The following AGPAT1 variants were observed in gnomAD, a reference collection of about 807,000 sequenced individuals.
AGPAT1 encodes 1-acylglycerol-3-phosphate O-acyltransferase 1.
Under a neutral mutation model 31.2 loss-of-function variants are expected in AGPAT1, and 6 were observed. The observed-to-expected ratio is 0.19, with a 90% CI of 0.11 to 0.38. The LOEUF is 0.38. AGPAT1 is among the 10% of genes least tolerant of loss of function. The pLI is 1.00. For missense variants in AGPAT1, 187 were observed against 377.8 expected, an observed-to-expected ratio of 0.49 and a Z score of 4.19; for synonymous variants, 139 against 154.0, an observed-to-expected ratio of 0.90 and a Z score of 0.72.
chr6:32,174,106 G>A lies in AGPAT1; in HGVS notation c.-10+1708C>T, dbSNP rs408359. Among the ~76,000 whole-genome samples, 18,948 of 152,132 alleles carry A rather than the reference G, an allele frequency of 0.12. 1,599 individuals are homozygous for A. Among genetic ancestry groups the A allele is most frequent in the South Asian group, 0.27 (1,279 of 4,820 alleles). On this transcript the variant is annotated intron_variant, in intron 1 of 6. Transcript: ENST00000375107. This position sits in a 1 kb window ranked among gnomAD's most constrained non-coding sequence, Gnocchi z 4.5. ...GACAACACACTATGTGTTGACTGGCGTTTTTGTTTCCCTCCTTAGGCTGTA... is the reference window on the plus strand; with the variant it reads ...GACAACACACTATGTGTTGACTGGCATTTTTGTTTCCCTCCTTAGGCTGTA...
At position 32,170,180 on chromosome 6, in the gene AGPAT1, A is replaced by G. The variant is rs1380589941; in HGVS notation, c.591T>C (p.Leu197=). 1 of 1,614,188 alleles carries G rather than the reference A, an allele frequency of 6.2e-7. No homozygotes were observed. The highest frequency in any genetic ancestry group is 8.5e-7 in the Non-Finnish European group (1 of 1,180,020). Reference sequence around the variant, plus strand: ...CAGTAGTCACCTGGGCCTGCACTGCAAGATGGAAGGCGCCACGTTTGAAGG... The same window carrying G: ...CAGTAGTCACCTGGGCCTGCACTGCGAGATGGAAGGCGCCACGTTTGAAGG... ...MLPFKRGAFH[L]AVQAQVPIVP... is the part of the protein sequence containing the mutation. Residue 197 remains leucine (L), a synonymous_variant, in exon 5 of 7, where the codon CTT becomes CTC. Coordinates refer to ENST00000375107, the MANE Select transcript of AGPAT1 (RefSeq NM_006411.4). The surrounding 1 kb of genome is among the most constrained non-coding windows in gnomAD (Gnocchi z 7.7).
rs919852139 is a variant in AGPAT1 at position 32,172,389 on chromosome 6, C to G, written c.-9-884G>C. ...ATATATTACTAAAATTAATTTCACTCTTTTTGCCTTGTAAAAATGTGGCTA... is the reference window on the plus strand; with the variant it reads ...ATATATTACTAAAATTAATTTCACTGTTTTTGCCTTGTAAAAATGTGGCTA... On this transcript the variant is annotated intron_variant, in intron 1 of 6. Transcript: ENST00000375107. The surrounding 1 kb of genome is among the most constrained non-coding windows in gnomAD (Gnocchi z 4.3). Among the ~76,000 whole-genome samples the G allele has an allele frequency of 6.6e-6, 1 of 151,944 alleles. No homozygotes were observed. Among genetic ancestry groups the G allele is most frequent in the African/African-American group, 2.4e-5 (1 of 41,362 alleles).
At chr6:32,176,414 A>G (rs143091746), upstream of AGPAT1, 2 of 855,272 alleles carry the variant, frequency 2.3e-6, no homozygotes, top group East Asian at 1.2e-4. Flanking sequence ...TTTTTTCTCA[A>G]CTCCGGTTAT....
At chr6:32,176,390 T>G, upstream of AGPAT1, 2 of 684,656 alleles carry the variant, frequency 2.9e-6, no homozygotes, top group South Asian at 6.6e-5. Flanking sequence ...AACTGCCACT[T>G]TTACTTGGTC....
At position 32,170,874 on chromosome 6, in the gene AGPAT1, C is replaced by T; in HGVS notation, c.334+63G>A. On this transcript the variant is annotated intron_variant, in intron 3 of 6. Coordinates refer to ENST00000375107, the MANE Select transcript of AGPAT1 (RefSeq NM_006411.4). The surrounding 1 kb of genome is among the most constrained non-coding windows in gnomAD (Gnocchi z 7.7). ...TTGAGGATCTCTAGGAGAAGATATTCTAGGGAAGGTTTCAGGAGGGGAGGC... is the reference window on the plus strand; with the variant it reads ...TTGAGGATCTCTAGGAGAAGATATTTTAGGGAAGGTTTCAGGAGGGGAGGC... The T allele has an allele frequency of 6.4e-7, 1 of 1,565,408 alleles. No individual in the cohort carries two copies. Among genetic ancestry groups the T allele is most frequent in the Non-Finnish European group, 8.7e-7 (1 of 1,148,578 alleles).
In AGPAT1 at chr6:32,170,891, AG is replaced by A. The variant is rs760190027; in HGVS notation, c.334+45del. 43 of 1,586,824 alleles carry A rather than the reference AG, an allele frequency of 2.7e-5. No homozygotes were observed. In the East Asian group the frequency reaches 9.0e-4, roughly 33 times the overall value. On this transcript the variant is annotated intron_variant, in intron 3 of 6. Transcript: ENST00000375107. The surrounding 1 kb of genome is among the most constrained non-coding windows in gnomAD (Gnocchi z 7.7). The stretch of plus-strand genomic sequence containing the variant: ...AAGATATTCTAGGGAAGGTTTCAGG[AG>A]GGGAGGCATGGCTGGGGGAGGTGTG...
rs184093218 is a variant in AGPAT1 at position 32,169,069 on chromosome 6, C to A, written c.*207G>T. ...TGGGGGTCAAGAGTGGAGACTGCAC[C>A]GAGGCAAGAGTCCATGGATGGGGCC... is the stretch of plus-strand genomic sequence containing the variant. On this transcript the variant is annotated 3_prime_UTR_variant, in exon 7 of 7. Transcript: ENST00000375107. The surrounding 1 kb of genome is among the most constrained non-coding windows in gnomAD (Gnocchi z 5.9). 4 of 602,232 alleles carry A rather than the reference C, an allele frequency of 6.6e-6. No individual in the cohort carries two copies. The highest frequency in any genetic ancestry group is 1.2e-5 in the Non-Finnish European group (4 of 344,308). 37.3% of individuals were successfully genotyped at this position (602,232 alleles called of 1,614,324 possible).
Position 32,170,990 on chromosome 6 carries a change from G to C in AGPAT1, c.281C>G (p.Pro94Arg), listed in dbSNP as rs1352581755. Residue 94 changes from proline to arginine, a missense_variant, in exon 3 of 7, where the codon CCC (proline) becomes CGC (arginine). Physicochemically the swap from Pro to Arg is moderately radical, Grantham distance 103. This residue lies in a region of AGPAT1 where 113 missense variants were observed against 283.1 expected (regional missense o/e 0.40). Transcript: ENST00000375107. This position sits in a 1 kb window ranked among gnomAD's most constrained non-coding sequence, Gnocchi z 7.7. ...VEVRGAHHFP[P>R]SQPYVVVSNH... ...GGAGACAACAACATAGGGCTGCGAG[G>C]GAGGGAAGTGGTGAGCCCCTCGCAC... 2 of 1,612,744 alleles carry C rather than the reference G, an allele frequency of 1.2e-6. No individual in the cohort carries two copies. The highest frequency in any genetic ancestry group is 1.7e-6 in the Non-Finnish European group (2 of 1,179,954).
In AGPAT1 at chr6:32,175,941, G is replaced by T; in HGVS notation, c.-137C>A. On this transcript the variant is annotated 5_prime_UTR_variant, in exon 1 of 7. Transcript: ENST00000375107. The surrounding 1 kb of genome is among the most constrained non-coding windows in gnomAD (Gnocchi z 4.5). Reference sequence around the variant, plus strand: ...GCCAAGGGGGCGACGGGATTTGGGGGTGTCCTAGCCCCGGCCGATGGAGGG... The same window carrying T: ...GCCAAGGGGGCGACGGGATTTGGGGTTGTCCTAGCCCCGGCCGATGGAGGG... 1.0e-6 allele frequency: 1 copy of T among 985,710 alleles called. No homozygotes were observed. The highest frequency in any genetic ancestry group is 1.2e-6 in the Non-Finnish European group (1 of 830,180). 61.1% of individuals were successfully genotyped at this position (985,710 alleles called of 1,614,324 possible).
In AGPAT1 at chr6:32,170,173, G is replaced by T. The variant is rs1437282081; in HGVS notation, c.598C>A (p.Gln200Lys). 1.7e-5 allele frequency: 28 copies of T among 1,614,142 alleles called. No individual in the cohort carries two copies. The highest frequency in any genetic ancestry group is 2.3e-5 in the Non-Finnish European group (27 of 1,179,992). ...CGAAGAGCAGTAGTCACCTGGGCCT[G>T]CACTGCAAGATGGAAGGCGCCACGT... is the stretch of plus-strand genomic sequence containing the variant. ...FKRGAFHLAV[Q>K]AQVPIVPIVM... The change falls in exon 5 of 7, where the codon CAG becomes AAG. Residue 200 changes from glutamine (Q) to lysine (K), a missense_variant. By Grantham distance (53) the Gln-to-Lys change is moderately conservative (BLOSUM62 1). Coordinates refer to ENST00000375107, the MANE Select transcript of AGPAT1 (RefSeq NM_006411.4). The surrounding 1 kb of genome is among the most constrained non-coding windows in gnomAD (Gnocchi z 7.7).
rs2127415972 is a variant in AGPAT1, at chr6:32,171,606, AG to A, written c.-9-102del. On this transcript the variant is annotated intron_variant, in intron 1 of 6. Transcript: ENST00000375107. The surrounding 1 kb of genome is among the most constrained non-coding windows in gnomAD (Gnocchi z 6.9). ...GCTGGGGGCTGGTGCTATGAGGACA[AG>A]GGCCTGAGACACAAACTGGGGCAGG... 6.9e-7 allele frequency: 1 copy of A among 1,457,720 alleles called. No individual in the cohort carries two copies. The allele number at this position is 1,457,720 out of a possible 1,614,324, so 90.3% of individuals were successfully genotyped here.
chr6:32,176,488 C>A, upstream of AGPAT1: 1 of 985,438 alleles, frequency 1.0e-6, no homozygotes, highest in Non-Finnish European at 1.2e-6. Context: ...CAATTCTAAA[C>A]ATTTATCAAG....
At position 32,170,089 on chromosome 6, in the gene AGPAT1, A is replaced by G; in HGVS notation, c.607-51T>C. 1 of 1,609,500 alleles carries G rather than the reference A, an allele frequency of 6.2e-7. No homozygotes were observed. The highest frequency in any genetic ancestry group is 8.5e-7 in the Non-Finnish European group (1 of 1,175,884). ...TCCACAGCTCTCTTCAGAGACTCCT[A>G]CAATAAGCCCCTGCCCAGAGATGAG... is the stretch of plus-strand genomic sequence containing the variant. On this transcript the variant is annotated intron_variant, in intron 5 of 6. Coordinates refer to ENST00000375107, the MANE Select transcript of AGPAT1 (RefSeq NM_006411.4). The surrounding 1 kb of genome is among the most constrained non-coding windows in gnomAD (Gnocchi z 7.7).
Position 32,170,801 on chromosome 6 carries a change from G to A in AGPAT1, c.334+136C>T. Reference sequence around the variant, plus strand: ...ATGAGGGCAGTTCTACCCAGGGAATGAAGGCCTGAGTGGGAGGCAAGGGGG... The same window carrying A: ...ATGAGGGCAGTTCTACCCAGGGAATAAAGGCCTGAGTGGGAGGCAAGGGGG... On this transcript the variant is annotated intron_variant, in intron 3 of 6. Coordinates refer to ENST00000375107, the MANE Select transcript of AGPAT1 (RefSeq NM_006411.4). This position sits in a 1 kb window ranked among gnomAD's most constrained non-coding sequence, Gnocchi z 7.7. 7.7e-7 allele frequency: 1 copy of A among 1,299,430 alleles called. No individual in the cohort carries two copies. Among genetic ancestry groups the A allele is most frequent in the Non-Finnish European group, 1.1e-6 (1 of 923,850 alleles). The allele number at this position is 1,299,430 out of a possible 1,614,324, so 80.5% of individuals were successfully genotyped here.
At position 32,169,327 on chromosome 6, in the gene AGPAT1, A is replaced by G. The variant is rs1784840878; in HGVS notation, c.801T>C (p.Thr267=). The change falls in exon 7 of 7, where the codon ACT becomes ACC. Residue 267 remains threonine (T), a synonymous_variant. Transcript: ENST00000375107. This position sits in a 1 kb window ranked among gnomAD's most constrained non-coding sequence, Gnocchi z 5.9. ...GATAGTCACCACCACCCCGGCCATC[A>G]GTGGAGATTTCCCGGAAAACAGTGA... ...SMLTVFREIS[T]DGRGGGDYLK... is the part of the protein sequence containing the mutation. 6.2e-7 allele frequency: 1 copy of G among 1,613,024 alleles called. No homozygotes were observed. The highest frequency in any genetic ancestry group is 1.1e-5 in the South Asian group (1 of 91,088).
chr6:32,170,926 T>C lies in AGPAT1; in HGVS notation c.334+11A>G, dbSNP rs1268440275. 6.2e-7 allele frequency: 1 copy of C among 1,604,854 alleles called. No homozygotes were observed. Among genetic ancestry groups the C allele is most frequent in the African/African-American group, 1.3e-5 (1 of 74,640 alleles). On this transcript the variant is annotated intron_variant, in intron 3 of 6. Coordinates refer to ENST00000375107, the MANE Select transcript of AGPAT1 (RefSeq NM_006411.4). The surrounding 1 kb of genome is among the most constrained non-coding windows in gnomAD (Gnocchi z 7.7). ...TGGCTGGGGGAGGTGTGCCCTGTGG[T>C]GGGGTCTCACCAAGCAGATCGAGAG...
At position 32,173,359 on chromosome 6, in the gene AGPAT1, G is replaced by T. The variant is rs1012484822; in HGVS notation, c.-9-1854C>A. On this transcript the variant is annotated intron_variant, in intron 1 of 6. Transcript: ENST00000375107. This position sits in a 1 kb window ranked among gnomAD's most constrained non-coding sequence, Gnocchi z 4.7. Reference sequence around the variant, plus strand: ...ATAGAGGAAACAGGAGACCCTGCCAGTTGGAATACCGTAGGCTTTCTGAGC... The same window carrying T: ...ATAGAGGAAACAGGAGACCCTGCCATTTGGAATACCGTAGGCTTTCTGAGC... Among the ~76,000 whole-genome samples, 3 of 152,222 alleles carry T rather than the reference G, an allele frequency of 2.0e-5. No homozygotes were observed. Among genetic ancestry groups the T allele is most frequent in the African/African-American group, 4.8e-5 (2 of 41,458 alleles).
rs2127417845 is a variant in AGPAT1, at chr6:32,172,649, C to T, written c.-9-1144G>A. Among the ~76,000 whole-genome samples, 1 of 152,286 alleles carries T rather than the reference C, an allele frequency of 6.6e-6. No homozygotes were observed. The highest frequency in any genetic ancestry group is 1.9e-4 in the East Asian group (1 of 5,190). On this transcript the variant is annotated intron_variant, in intron 1 of 6. Transcript: ENST00000375107. The surrounding 1 kb of genome is among the most constrained non-coding windows in gnomAD (Gnocchi z 4.3). ...GCCTGTGTTCCTAACCACTCCATTA[C>T]GCTGACACTGGTATGTATTGCATAT...
rs1239828538 is a variant in AGPAT1, at chr6:32,175,805, C to G, written c.-10+9G>C. On this transcript the variant is annotated intron_variant, in intron 1 of 6. Transcript: ENST00000375107. This position sits in a 1 kb window ranked among gnomAD's most constrained non-coding sequence, Gnocchi z 4.5. ...TTCCCTCCTCCTCCCATCCCTTTCCCGCCCACACCTCAGAGGGGTAGGGGG... is the reference window on the plus strand; with the variant it reads ...TTCCCTCCTCCTCCCATCCCTTTCCGGCCCACACCTCAGAGGGGTAGGGGG... 2.0e-6 allele frequency: 2 copies of G among 984,150 alleles called. No individual in the cohort carries two copies. The highest frequency in any genetic ancestry group is 2.4e-6 in the Non-Finnish European group (2 of 828,752). The allele number at this position is 984,150 out of a possible 1,614,324, so 61.0% of individuals were successfully genotyped here.
Sources: gnomAD v4.1 joint callset for allele counts (sites outside exome capture counted in the v4.1 genomes callset) on GRCh38, gnomAD v4.1.1 for gene constraint, gnomAD v4.1.1 regional missense constraint, Gnocchi (gnomAD v3.1) non-coding constraint, MANE v1.5 for transcripts, NCBI Gene and HGNC (gene_info 2026-07-23, HGNC 2026-07-21) for gene names.